Variants in BMPR1A observed in about 807,000 individuals in gnomAD.
BMPR1A encodes the protein bone morphogenetic protein receptor type-1A.
A neutral mutation model predicts 66.0 loss-of-function variants in BMPR1A; 7 were observed. The observed-to-expected ratio is 0.11, with a 90% CI of 0.06 to 0.20. BMPR1A has a LOEUF of 0.20. Among genes scored for constraint, BMPR1A ranks in the 10% least tolerant of loss-of-function variants. The probability of loss-of-function intolerance (pLI) is 1.00; values close to 1 mark genes in which losing one functional copy is unlikely to be tolerated. For synonymous variants in BMPR1A, 200 were observed against 229.7 expected (o/e 0.87, Z 1.17); for missense variants, 408 against 669.1 (o/e 0.61, Z 4.31).
intron 4 of BMPR1A, among the ~76,000 whole-genome samples, chr10:86,890,716 G>A (rs781339613): frequency 6.7e-4 from 102 of 152,192 alleles, no homozygotes; most frequent in Non-Finnish European, 1.1e-3. Flanking sequence ...TTACTAGGGT[G>A]AGCTGCCACA....
rs116100280 is a variant in BMPR1A, at chr10:86,870,013, T to C, written c.-152-5854T>C. ...GCAAATAAATACTGGAGCTGATTTT[T>C]AAAAATTATTTATATTTATTATTTT... On this transcript the variant is annotated intron_variant, in intron 2 of 12. Transcript: ENST00000372037. Among the ~76,000 whole-genome samples the C allele has an allele frequency of 4.0e-3, 613 of 152,260 alleles. 2 individuals are homozygous for C. Among genetic ancestry groups the C allele is most frequent in the African/African-American group, 0.014 (596 of 41,556 alleles).
At chr10:86,873,732 A>G (rs916070902) in intron 2 of BMPR1A, among the ~76,000 whole-genome samples, 1 of 152,260 alleles carries the variant, frequency 6.6e-6, no homozygotes, top group Non-Finnish European at 1.5e-5. Flanking sequence ...TGGAACATAT[A>G]TCCTTAGAAT....
intron 2 of BMPR1A, among the ~76,000 whole-genome samples, chr10:86,869,849 GTTA>G (rs1267924046): frequency 6.6e-6 from 1 of 152,154 alleles, no homozygotes; most frequent in African/African-American, 2.4e-5. Flanking sequence ...GAAGTGCTCA[GTTA>G]TTAATAATTA....
At chr10:86,851,270 T>G (rs1042215582) in intron 2 of BMPR1A, among the ~76,000 whole-genome samples, 1 of 152,230 alleles carries the variant, frequency 6.6e-6, no homozygotes, top group African/African-American at 2.4e-5. Context: ...TTTATGGTTT[T>G]ATGGTTGGTT....
intron 1 of BMPR1A, among the ~76,000 whole-genome samples, chr10:86,800,696 C>T (rs373680609): frequency 3.3e-5 from 5 of 152,064 alleles, no homozygotes; most frequent in African/African-American, 7.2e-5. Context: ...CCTGGCCAGG[C>T]GATTTGTGTT....
chr10:86,832,078 G>A (rs996390418), intron 1 of BMPR1A, among the ~76,000 whole-genome samples: 1 of 152,172 alleles, frequency 6.6e-6, no homozygotes, highest in Non-Finnish European at 1.5e-5. Context: ...GTAGCAGAAG[G>A]TAAGGCAGGT....
intron 2 of BMPR1A, among the ~76,000 whole-genome samples, chr10:86,846,718 A>C (rs1842489342): frequency 6.6e-6 from 1 of 151,916 alleles, no homozygotes. Flanking sequence ...CCACACACAC[A>C]CAAAAAAAAT....
chr10:86,773,854 C>CTTTTT lies in BMPR1A; in HGVS notation c.-268+16946_-268+16950dup, dbSNP rs34632382. 1.4e-5 allele frequency among the ~76,000 whole-genome samples: 2 copies of CTTTTT among 142,122 alleles called. 1 individual carries two copies. The highest frequency in any genetic ancestry group is 3.1e-5 in the Non-Finnish European group (2 of 65,122). The allele number at this position is 142,122 out of a possible 152,430, so 93.2% of individuals were successfully genotyped here. On this transcript the variant is annotated intron_variant, in intron 1 of 12. Coordinates refer to ENST00000372037, the MANE Select transcript of BMPR1A (RefSeq NM_004329.3). The stretch of plus-strand genomic sequence containing the variant: ...TTAGCTGTACAGCATGTATTTCATT[C>CTTTTT]TTTTTTTTTTTTTTTGAGACAGAGT...
chr10:86,816,518 A>T (rs187057931), intron 1 of BMPR1A, among the ~76,000 whole-genome samples: 1 of 152,242 alleles, frequency 6.6e-6, no homozygotes, highest in Non-Finnish European at 1.5e-5. Context: ...AAGAGAGTAC[A>T]GAAGAGGAGT....
chr10:86,793,748 GT>G (rs57898921), intron 1 of BMPR1A, among the ~76,000 whole-genome samples: 4,578 of 152,170 alleles, frequency 0.03, 225 homozygotes, highest in African/African-American at 0.11. Flanking sequence ...ACTTTTAGTG[GT>G]TTATAGAGCA....
rs148799329 is a variant in BMPR1A, at chr10:86,761,275, T to C, written c.-268+4356T>C. On this transcript the variant is annotated intron_variant, in intron 1 of 12. Coordinates refer to ENST00000372037, the MANE Select transcript of BMPR1A (RefSeq NM_004329.3). Reference sequence around the variant, plus strand: ...GTATCTTTTATTTACTCTGATGTTGTAGACTTTGTTACTCTTTTATAGTTT... The same window carrying C: ...GTATCTTTTATTTACTCTGATGTTGCAGACTTTGTTACTCTTTTATAGTTT... Among the ~76,000 whole-genome samples, 25 of 152,358 alleles carry C rather than the reference T, an allele frequency of 1.6e-4. No homozygotes were observed. In the East Asian group the frequency reaches 4.8e-3, roughly 29 times the overall value.
intron 1 of BMPR1A, among the ~76,000 whole-genome samples, chr10:86,788,170 T>C (rs1841545332): frequency 6.6e-6 from 1 of 152,132 alleles, no homozygotes; most frequent in Non-Finnish European, 1.5e-5. Context: ...GTGAGTAAGC[T>C]AGTAAACCCA....
intron 2 of BMPR1A, among the ~76,000 whole-genome samples, chr10:86,869,435 C>T (rs1433589316): frequency 7.1e-6 from 1 of 140,890 alleles, no homozygotes; most frequent in Non-Finnish European, 1.5e-5. Flanking sequence ...CCAGCCTGGG[C>T]TACAGAGCAA....
intron 2 of BMPR1A, among the ~76,000 whole-genome samples, chr10:86,849,959 C>G (rs1002002618): frequency 6.6e-6 from 1 of 152,084 alleles, no homozygotes; most frequent in African/African-American, 2.4e-5. Flanking sequence ...GTAAATACTA[C>G]GAAGCATCCA....
chr10:86,901,807 CT>C (rs1002139108), intron 7 of BMPR1A, among the ~76,000 whole-genome samples: 5 of 151,854 alleles, frequency 3.3e-5, no homozygotes, highest in African/African-American at 1.2e-4. Context: ...TATTAAAATA[CT>C]TTTTTTATAC....
At chr10:86,805,201 A>G (rs879646620) in intron 1 of BMPR1A, among the ~76,000 whole-genome samples, 1 of 152,142 alleles carries the variant, frequency 6.6e-6, no homozygotes, top group Non-Finnish European at 1.5e-5. Flanking sequence ...TGGTGGTTAG[A>G]ACTTGAATAT....
At chr10:86,823,794 C>T (rs962675447) in intron 1 of BMPR1A, among the ~76,000 whole-genome samples, 18 of 152,148 alleles carry the variant, frequency 1.2e-4, no homozygotes, top group African/African-American at 3.4e-4. Context: ...GTGGAATGCT[C>T]GTGTGAACTT....
intron 4 of BMPR1A, 97 bp downstream of exon 4, chr10:86,890,321 C>A: frequency 7.1e-7 from 1 of 1,413,944 alleles, no homozygotes; most frequent in Non-Finnish European, 9.9e-7. Flanking sequence ...GTTTTTTTTT[C>A]ATTCATATAT....
intron 1 of BMPR1A, among the ~76,000 whole-genome samples, chr10:86,762,439 A>C (rs753031608): frequency 6.6e-6 from 1 of 151,962 alleles, no homozygotes; most frequent in Non-Finnish European, 1.5e-5. Flanking sequence ...GCTCACTGCA[A>C]CCTCCGCCTC....
Sources: gnomAD v4.1 joint callset for allele counts (sites outside exome capture counted in the v4.1 genomes callset) on GRCh38, gnomAD v4.1.1 for gene constraint, MANE v1.5 for transcripts, NCBI Gene and HGNC (gene_info 2026-07-23, HGNC 2026-07-21) for gene names.